TOM1L2: variants seen among roughly 807,000 people sequenced by gnomAD.
TOM1L2 encodes TOM1-like protein 2.
In TOM1L2, 31 loss-of-function variants were observed where a neutral mutation model predicts 67.9. The ratio of observed to expected loss-of-function variants is 0.46; its 90% CI spans 0.34 to 0.62. The LOEUF is 0.62. Among genes scored for constraint, TOM1L2 ranks in the 20% least tolerant of loss-of-function variants. The pLI is 0.01. For synonymous variants in TOM1L2, 256 were observed against 254.0 expected, an observed-to-expected ratio of 1.01 and a Z score of -0.07; for missense variants, 606 against 663.5, an observed-to-expected ratio of 0.91 and a Z score of 0.95.
chr17:17,893,604 C>T, intron 4 of TOM1L2, 57 bp downstream of exon 4: 1 of 1,515,670 alleles, frequency 6.6e-7, no homozygotes, highest in Non-Finnish European at 9.0e-7. Context: ...GAGGACTCAT[C>T]AATAAGAGAC....
chr17:17,967,854 C>T (rs377078543), intron 1 of TOM1L2, among the ~76,000 whole-genome samples: 7 of 152,146 alleles, frequency 4.6e-5, no homozygotes, highest in African/African-American at 9.7e-5. Context: ...GTGATCCACC[C>T]GCCACGGCCT....
Position 17,847,296 on chromosome 17 carries a change from A to G in TOM1L2, c.*339T>C, listed in dbSNP as rs1212078273. 1 of 316,244 alleles carries G rather than the reference A, an allele frequency of 3.2e-6. No individual in the cohort carries two copies. The highest frequency in any genetic ancestry group is 7.5e-5 in the East Asian group (1 of 13,414). 19.6% of individuals were successfully genotyped at this position (316,244 alleles called of 1,614,324 possible). A position where few individuals can be genotyped will look rare whatever the true frequency, so the allele number is the denominator to read the frequency against. On this transcript the variant is annotated 3_prime_UTR_variant, in exon 15 of 15. Coordinates refer to ENST00000379504, the MANE Select transcript of TOM1L2 (RefSeq NM_001082968.2). ...GCGGGGCCGGGCGTGCTCTTTCTCC[A>G]TGGGCGGGTGGAGGAAAGACAGTCC...
intron 1 of TOM1L2, among the ~76,000 whole-genome samples, chr17:17,930,927 TC>T (rs890076637): frequency 4.6e-5 from 7 of 152,176 alleles, no homozygotes; most frequent in Non-Finnish European, 1.0e-4. Flanking sequence ...GGATTTTTTT[TC>T]CCTAACAGTA....
chr17:17,899,181 C>A (rs922185392), intron 2 of TOM1L2, among the ~76,000 whole-genome samples: 5 of 152,220 alleles, frequency 3.3e-5, no homozygotes, highest in Admixed American at 2.6e-4. Context: ...AAAACCCTAA[C>A]TAACCCACTG....
chr17:17,850,159 C>G (rs1379271405), intron 13 of TOM1L2, among the ~76,000 whole-genome samples: 2 of 152,176 alleles, frequency 1.3e-5, no homozygotes, highest in Non-Finnish European at 2.9e-5. Context: ...CCAACTACCC[C>G]ATGACTCTGG....
intron 2 of TOM1L2, among the ~76,000 whole-genome samples, chr17:17,904,946 G>A (rs529400488): frequency 1.4e-4 from 21 of 152,316 alleles, no homozygotes; most frequent in East Asian, 3.9e-4. Context: ...CCAGGTGAGC[G>A]TTCAAGGGCA....
chr17:17,952,760 C>T (rs1281567241), intron 1 of TOM1L2, among the ~76,000 whole-genome samples: 1 of 152,068 alleles, frequency 6.6e-6, no homozygotes, highest in Non-Finnish European at 1.5e-5. Context: ...GAAGGGCAAA[C>T]AAACAGCTTT....
Position 17,847,276 on chromosome 17 carries a change from G to C in TOM1L2, c.*359C>G. 1 of 292,200 alleles carries C rather than the reference G, an allele frequency of 3.4e-6. No homozygotes were observed. The highest frequency in any genetic ancestry group is 6.5e-6 in the Non-Finnish European group (1 of 154,170). The allele number at this position is 292,200 out of a possible 1,614,324, so 18.1% of individuals were successfully genotyped here. A position where few individuals can be genotyped will look rare whatever the true frequency, so the allele number is the denominator to read the frequency against. ...CAGGCAGAGGTGAGCACAGGGCGGG[G>C]CCGGGCGTGCTCTTTCTCCATGGGC... On this transcript the variant is annotated 3_prime_UTR_variant, in exon 15 of 15. Transcript: ENST00000379504.
At chr17:17,944,032 C>G (rs1485184184) in intron 1 of TOM1L2, among the ~76,000 whole-genome samples, 1 of 152,244 alleles carries the variant, frequency 6.6e-6, no homozygotes, top group African/African-American at 2.4e-5. Flanking sequence ...GCTACATTAT[C>G]AGAGCACCCC....
Position 17,848,321 on chromosome 17 carries a change from C to T in TOM1L2, c.1375+502G>A, listed in dbSNP as rs148641956. On this transcript the variant is annotated intron_variant, in intron 14 of 14. Transcript: ENST00000379504. Reference sequence around the variant, plus strand: ...ACCTGGGGAGAGGAGGACAGGAGCACGGAGAGGCAGATGGAGTGGGGCAAG... The same window carrying T: ...ACCTGGGGAGAGGAGGACAGGAGCATGGAGAGGCAGATGGAGTGGGGCAAG... Among the ~76,000 whole-genome samples the T allele has an allele frequency of 3.2e-3, 490 of 152,068 alleles. 13 individuals carry two copies. The East Asian group carries it at 0.07, about 22-fold the overall frequency.
intron 8 of TOM1L2, among the ~76,000 whole-genome samples, chr17:17,867,274 G>A (rs1463762929): frequency 6.6e-6 from 1 of 152,176 alleles, no homozygotes; most frequent in Non-Finnish European, 1.5e-5. Flanking sequence ...CTATTTCATA[G>A]GGCTGTGTTC....
chr17:17,882,884 T>C (rs2037802800), intron 5 of TOM1L2, 21 bp from the exon 6 acceptor site: 2 of 1,613,014 alleles, frequency 1.2e-6, no homozygotes, highest in Non-Finnish European at 1.7e-6. Flanking sequence ...AACAACAAAG[T>C]CCTCTGTTTA....
intron 1 of TOM1L2, among the ~76,000 whole-genome samples, chr17:17,926,087 C>T (rs2040072381): frequency 6.6e-6 from 1 of 151,292 alleles, no homozygotes; most frequent in South Asian, 2.1e-4. Flanking sequence ...GAGAGGATCA[C>T]TTGAGCACAG....
rs548123639 is a variant in TOM1L2, at chr17:17,887,102, C to T, written c.367-2334G>A. ...TCTGTCCCTTCCCAGGGCGGGGTGA[C>T]CTGGACTTCTGGGAGACTCTGCCCT... On this transcript the variant is annotated intron_variant, in intron 4 of 14. Coordinates refer to ENST00000379504, the MANE Select transcript of TOM1L2 (RefSeq NM_001082968.2). 3.9e-4 allele frequency among the ~76,000 whole-genome samples: 59 copies of T among 152,354 alleles called. 1 individual carries two copies. Among genetic ancestry groups the T allele is most frequent in the African/African-American group, 1.4e-3 (57 of 41,584 alleles).
At chr17:17,858,275 T>A (rs894869089) in intron 12 of TOM1L2, 1 of 160,028 alleles carries the variant, frequency 6.2e-6, no homozygotes, top group Admixed American at 6.1e-5. Context: ...TTCTAAACTC[T>A]TGAATACTAA....
chr17:17,966,639 A>G (rs987859188), intron 1 of TOM1L2, among the ~76,000 whole-genome samples: 4 of 152,232 alleles, frequency 2.6e-5, no homozygotes, highest in Non-Finnish European at 5.9e-5. Flanking sequence ...AAATGGCAGC[A>G]CAGAATGAGC....
intron 4 of TOM1L2, among the ~76,000 whole-genome samples, chr17:17,888,512 A>G (rs1479183210): frequency 6.6e-6 from 1 of 152,212 alleles, no homozygotes; most frequent in Non-Finnish European, 1.5e-5. Context: ...CTTATGCCCC[A>G]GACCAGACTT....
intron 1 of TOM1L2, among the ~76,000 whole-genome samples, chr17:17,931,037 T>G (rs2040311981): frequency 6.6e-6 from 1 of 152,178 alleles, no homozygotes; most frequent in Admixed American, 6.5e-5. Context: ...TAAAATGTTC[T>G]TCCTGTAACT....
chr17:17,894,597 C>A (rs1374950407), intron 3 of TOM1L2, among the ~76,000 whole-genome samples: 1 of 152,130 alleles, frequency 6.6e-6, no homozygotes. Context: ...AGATGATGAG[C>A]TCTCCCTTGC....
Sources: allele counts gnomAD v4.1 joint callset (sites outside exome capture counted in the v4.1 genomes callset), GRCh38; gene constraint gnomAD v4.1.1; transcripts MANE v1.5; gene names NCBI Gene and HGNC (gene_info 2026-07-23, HGNC 2026-07-21).